The following LAMA2 variants were observed in gnomAD, a reference collection of about 807,000 sequenced individuals.
LAMA2 encodes the protein laminin subunit alpha-2.
In LAMA2, 269 loss-of-function variants were observed where a neutral mutation model predicts 364.8. The ratio of observed to expected loss-of-function variants is 0.74; its 90% CI spans 0.67 to 0.82. The LOEUF is 0.82. LAMA2 is among the 40% of genes least tolerant of loss of function. LAMA2 has a pLI of 0.00. For missense variants in LAMA2, 3,807 were observed against 3,873.2 expected (o/e 0.98, Z 0.45); for synonymous variants, 1,379 against 1,370.6 (o/e 1.01, Z -0.14).
intron 1 of LAMA2, among the ~76,000 whole-genome samples, chr6:128,990,929 T>A (rs1387566211): frequency 6.6e-6 from 1 of 152,178 alleles, no homozygotes; most frequent in East Asian, 1.9e-4. Context: ...AGAACCGCTC[T>A]ACAGAGCTAA....
At chr6:129,247,704 A>G (rs112829059) in intron 12 of LAMA2, among the ~76,000 whole-genome samples, 12 of 152,348 alleles carry the variant, frequency 7.9e-5, no homozygotes, top group African/African-American at 2.9e-4. Flanking sequence ...AATTCAAAAT[A>G]CGTTGTAATA....
At chr6:129,226,985 G>T (rs1171649655) in intron 12 of LAMA2, among the ~76,000 whole-genome samples, 2 of 152,116 alleles carry the variant, frequency 1.3e-5, no homozygotes, top group Admixed American at 6.5e-5. Flanking sequence ...GCATAGATTT[G>T]GTCTTTTCAC....
chr6:129,381,173 A>C (rs547787481), intron 34 of LAMA2, among the ~76,000 whole-genome samples: 2 of 152,200 alleles, frequency 1.3e-5, no homozygotes, highest in Admixed American at 1.3e-4. Flanking sequence ...AGTGGTATTG[A>C]TACATTAATC....
chr6:129,496,689 C>T (rs937258276), intron 58 of LAMA2, among the ~76,000 whole-genome samples: 2 of 152,036 alleles, frequency 1.3e-5, no homozygotes, highest in Admixed American at 6.6e-5. Flanking sequence ...AAAAGTTTTA[C>T]AGTTTATTTT....
chr6:129,441,646 G>C (rs1299882892), intron 43 of LAMA2, among the ~76,000 whole-genome samples: 3 of 151,936 alleles, frequency 2.0e-5, no homozygotes, highest in African/African-American at 7.3e-5. Flanking sequence ...AAAATATTAA[G>C]ATTTTAAAAT....
intron 32 of LAMA2, among the ~76,000 whole-genome samples, chr6:129,365,398 T>A (rs375704491): frequency 4.6e-5 from 7 of 152,204 alleles, no homozygotes; most frequent in African/African-American, 1.7e-4. Context: ...AGTCTCAGTC[T>A]GTCGCCCAGG....
Position 129,441,244 on chromosome 6 carries a change from A to C in LAMA2, c.6268+246A>C, listed in dbSNP as rs370295124. Among the ~76,000 whole-genome samples, 42 of 152,298 alleles carry C rather than the reference A, an allele frequency of 2.8e-4. No homozygotes were observed. In the South Asian group the frequency reaches 8.7e-3, roughly 32 times the overall value. On this transcript the variant is annotated intron_variant, in intron 43 of 64. Coordinates refer to ENST00000421865, the MANE Select transcript of LAMA2 (RefSeq NM_000426.4). Reference sequence around the variant, plus strand: ...AGTTGAGAAGAGATTAGGAATTCTCAAGGTGTGCCTAACATTCAGCAGAGA... The same window carrying C: ...AGTTGAGAAGAGATTAGGAATTCTCCAGGTGTGCCTAACATTCAGCAGAGA...
chr6:129,420,550 T>A (rs1172223983), intron 40 of LAMA2, among the ~76,000 whole-genome samples: 1 of 152,138 alleles, frequency 6.6e-6, no homozygotes, highest in Admixed American at 6.5e-5. Flanking sequence ...GAGAGAGTAA[T>A]AGAATAAGTC....
chr6:129,092,228 G>T (rs1774885323), intron 3 of LAMA2, among the ~76,000 whole-genome samples: 1 of 152,090 alleles, frequency 6.6e-6, no homozygotes, highest in Non-Finnish European at 1.5e-5. Context: ...CTTGTTATTG[G>T]TTTCTATTTT....
intron 29 of LAMA2, among the ~76,000 whole-genome samples, chr6:129,334,486 A>C (rs1583518642): frequency 6.6e-6 from 1 of 152,230 alleles, no homozygotes; most frequent in Non-Finnish European, 1.5e-5. Flanking sequence ...ATGATCATAA[A>C]GATGATAATT....
At chr6:129,273,669 A>C (rs951798415) in intron 17 of LAMA2, among the ~76,000 whole-genome samples, 1 of 152,130 alleles carries the variant, frequency 6.6e-6, no homozygotes, top group African/African-American at 2.4e-5. Flanking sequence ...AAAGAAAGAA[A>C]GTCTGCAAGC....
chr6:128,969,992 A>G (rs1311087501), intron 1 of LAMA2, among the ~76,000 whole-genome samples: 1 of 152,186 alleles, frequency 6.6e-6, no homozygotes, highest in African/African-American at 2.4e-5. Flanking sequence ...GGTTAAAATC[A>G]GTGGAAATAA....
rs1391729844 is a variant in LAMA2 at position 128,917,294 on chromosome 6, T to G, written c.112+33937T>G. ...CCATCAATCCACATGCAAAATTGGT[T>G]GAGTACCTTGAAGATTTGTAATAGT... On this transcript the variant is annotated intron_variant, in intron 1 of 64. Transcript: ENST00000421865. Among the ~76,000 whole-genome samples, 4 of 152,238 alleles carry G rather than the reference T, an allele frequency of 2.6e-5. No homozygotes were observed. In the East Asian group the frequency reaches 7.7e-4, roughly 29 times the overall value.
chr6:129,416,785 A>G (rs888210146), intron 40 of LAMA2, among the ~76,000 whole-genome samples: 1 of 146,456 alleles, frequency 6.8e-6, no homozygotes, highest in African/African-American at 2.6e-5. Flanking sequence ...CACACCTGCC[A>G]AGGGTGATTC....
intron 20 of LAMA2, chr6:129,292,662 A>G (rs925733412): frequency 3.6e-6 from 1 of 276,420 alleles, no homozygotes; most frequent in East Asian, 1.8e-4. Context: ...TGTGATAAAG[A>G]CAGCTAAGCA....
At chr6:129,302,612 G>A (rs377664986) in intron 22 of LAMA2, among the ~76,000 whole-genome samples, 1 of 152,040 alleles carries the variant, frequency 6.6e-6, no homozygotes, top group African/African-American at 2.4e-5. Context: ...GCTCTTAAAT[G>A]TAGGTTTGGA....
intron 58 of LAMA2, among the ~76,000 whole-genome samples, chr6:129,502,084 A>G (rs761103954): frequency 2.6e-5 from 4 of 152,192 alleles, no homozygotes; most frequent in Non-Finnish European, 4.4e-5. Flanking sequence ...GGTGGGTTAC[A>G]TTTTTAAAAT....
intron 9 of LAMA2, among the ~76,000 whole-genome samples, chr6:129,173,662 G>A (rs1780372739): frequency 2.0e-5 from 3 of 152,090 alleles, no homozygotes; most frequent in Middle Eastern, 3.2e-3. Flanking sequence ...ATACAGGCTC[G>A]AATTGCAAAA....
At chr6:128,960,999 C>T (rs1781453332) in intron 1 of LAMA2, among the ~76,000 whole-genome samples, 1 of 151,730 alleles carries the variant, frequency 6.6e-6, no homozygotes, top group Non-Finnish European at 1.5e-5. Flanking sequence ...TGTTAAATCT[C>T]TGTATGTCAC....
Sources: allele counts gnomAD v4.1 joint callset (sites outside exome capture counted in the v4.1 genomes callset), GRCh38; gene constraint gnomAD v4.1.1; transcripts MANE v1.5; gene names NCBI Gene and HGNC (gene_info 2026-07-23, HGNC 2026-07-21).